The following RIMBP2 variants were observed in gnomAD, a reference collection of about 807,000 sequenced individuals.
RIMBP2 encodes RIMS-binding protein 2.
RIMBP2 carries 48 observed loss-of-function variants against 118.6 expected under a neutral mutation model. The ratio of observed to expected loss-of-function variants is 0.40; its 90% CI spans 0.32 to 0.51. The LOEUF (loss-of-function observed/expected upper bound fraction) is 0.51. Among genes scored for constraint, RIMBP2 ranks in the 20% least tolerant of loss-of-function variants. The pLI, the probability that RIMBP2 is intolerant of heterozygous loss-of-function variation, is 0.41. For synonymous variants in RIMBP2, 762 were observed against 742.9 expected, an observed-to-expected ratio of 1.03 and a Z score of -0.42; for missense variants, 1,551 against 1,768.3, an observed-to-expected ratio of 0.88 and a Z score of 2.20.
At chr12:130,714,231 G>A (rs1001259948) in intron 1 of RIMBP2, among the ~76,000 whole-genome samples, 31 of 152,214 alleles carry the variant, frequency 2.0e-4, no homozygotes, top group African/African-American at 6.3e-4. Flanking sequence ...TCTCTTCCAG[G>A]CGCCAACAGT....
intron 1 of RIMBP2, among the ~76,000 whole-genome samples, chr12:130,631,679 G>T (rs911755567): frequency 2.7e-5 from 4 of 148,264 alleles, no homozygotes; most frequent in Non-Finnish European, 5.9e-5. Context: ...AAACTGGTAA[G>T]TCAAAAAAAA....
chr12:130,594,676 T>C (rs1485216800), intron 2 of RIMBP2, among the ~76,000 whole-genome samples: 1 of 152,122 alleles, frequency 6.6e-6, no homozygotes, highest in African/African-American at 2.4e-5. Flanking sequence ...TGGACAAGCT[T>C]GTTTTAAGGG....
chr12:130,584,950 T>C (rs1055373025), intron 2 of RIMBP2, among the ~76,000 whole-genome samples: 14 of 152,156 alleles, frequency 9.2e-5, no homozygotes, highest in Admixed American at 5.2e-4. Context: ...GAATGCAGTG[T>C]CATGATCATA....
intron 2 of RIMBP2, among the ~76,000 whole-genome samples, chr12:130,619,153 T>G (rs1409022851): frequency 6.6e-6 from 1 of 152,240 alleles, no homozygotes; most frequent in African/African-American, 2.4e-5. Flanking sequence ...AGTCATCCAA[T>G]TATTTATTCC....
At chr12:130,416,525 A>G (rs1332431792) in intron 17 of RIMBP2, among the ~76,000 whole-genome samples, 4 of 152,250 alleles carry the variant, frequency 2.6e-5, no homozygotes, top group African/African-American at 9.6e-5. Flanking sequence ...AGTCACATGC[A>G]GAAGATTGAA....
chr12:130,701,371 C>A (rs577981519), intron 1 of RIMBP2, among the ~76,000 whole-genome samples: 1 of 152,304 alleles, frequency 6.6e-6, no homozygotes, highest in South Asian at 2.1e-4. Flanking sequence ...AGCTACGTGG[C>A]ACTTTCTGCC....
At chr12:130,711,980 G>A (rs1319136688) in intron 1 of RIMBP2, among the ~76,000 whole-genome samples, 1 of 152,226 alleles carries the variant, frequency 6.6e-6, no homozygotes, top group African/African-American at 2.4e-5. Flanking sequence ...GCCACACAAT[G>A]GTGAGTACTT....
intron 2 of RIMBP2, among the ~76,000 whole-genome samples, chr12:130,526,076 G>C (rs1315046919): frequency 1.3e-5 from 2 of 152,046 alleles, no homozygotes; most frequent in Non-Finnish European, 2.9e-5. Flanking sequence ...GGAAGGTTCA[G>C]AAATGCCTCC....
intron 3 of RIMBP2, among the ~76,000 whole-genome samples, chr12:130,515,381 T>C (rs1238023870): frequency 1.3e-5 from 2 of 152,116 alleles, no homozygotes; most frequent in East Asian, 3.9e-4. Context: ...CTATCCCCCC[T>C]CTACCCAGCC....
Position 130,408,112 on chromosome 12 carries a change from G to A in RIMBP2, c.3590-283C>T, listed in dbSNP as rs367587178. ...TCCATTAAACCAGTGAGACTCACATGAAGCACGGGGCTCTCGAACAGCAAA... is the reference window on the plus strand; with the variant it reads ...TCCATTAAACCAGTGAGACTCACATAAAGCACGGGGCTCTCGAACAGCAAA... On this transcript the variant is annotated intron_variant, in intron 19 of 22. Transcript: ENST00000690449. Among the ~76,000 whole-genome samples the A allele has an allele frequency of 1.2e-4, 19 of 152,340 alleles. No homozygotes were observed. In the East Asian group the frequency reaches 3.3e-3, roughly 26 times the overall value.
intron 5 of RIMBP2, among the ~76,000 whole-genome samples, chr12:130,474,518 G>A (rs954518481): frequency 2.6e-5 from 4 of 152,182 alleles, no homozygotes; most frequent in Admixed American, 6.5e-5. Context: ...GTGGGCAGTC[G>A]GCAAACAGCC....
At chr12:130,481,682 C>G (rs1353739719) in intron 4 of RIMBP2, among the ~76,000 whole-genome samples, 1 of 152,238 alleles carries the variant, frequency 6.6e-6, no homozygotes, top group Non-Finnish European at 1.5e-5. Context: ...GTGGCCCTCG[C>G]CAGTTCACTC....
At chr12:130,606,877 G>C (rs1055654114) in intron 2 of RIMBP2, among the ~76,000 whole-genome samples, 1 of 152,144 alleles carries the variant, frequency 6.6e-6, no homozygotes, top group African/African-American at 2.4e-5. Context: ...TGTCGCCCAG[G>C]CTAGGGTGCA....
rs377575822 is a variant in RIMBP2, at chr12:130,434,767, G to A, written c.2220C>T (p.Asp740=). Residue 740 remains aspartate, a synonymous_variant, in exon 14 of 23, where the codon GAC becomes GAT. Transcript: ENST00000690449. This position sits in a 1 kb window ranked among gnomAD's most constrained non-coding sequence, Gnocchi z 5.7. ...CAAGTTCAGAGCCTTTCAGGAAGTC[G>A]TCCACCGAGGCGCCCCTCCTCTTGA... ...PDFKRRGASV[D]DFLKGSELGK... 2.2e-4 allele frequency: 355 copies of A among 1,613,628 alleles called. 2 individuals carry two copies. In the Admixed American group the frequency reaches 3.5e-3, roughly 16 times the overall value.
chr12:130,659,834 C>T (rs929136823), intron 1 of RIMBP2, among the ~76,000 whole-genome samples: 40 of 151,822 alleles, frequency 2.6e-4, no homozygotes, highest in Admixed American at 5.9e-4. Context: ...ATTAGCCAGG[C>T]ATGGTGGCAT....
At chr12:130,430,596 A>T (rs1192910850) in intron 14 of RIMBP2, 1 of 146,526 alleles carries the variant, frequency 6.8e-6, no homozygotes, top group African/African-American at 2.5e-5. Flanking sequence ...GCAATGACGG[A>T]TGTACTAATT....
chr12:130,417,678 C>T (rs1409243638), intron 17 of RIMBP2, among the ~76,000 whole-genome samples: 1 of 152,224 alleles, frequency 6.6e-6, no homozygotes. Flanking sequence ...CAGCATTCTG[C>T]ACTATACCCA....
At chr12:130,520,814 A>G (rs980485824) in intron 2 of RIMBP2, among the ~76,000 whole-genome samples, 3 of 152,218 alleles carry the variant, frequency 2.0e-5, no homozygotes, top group African/African-American at 7.2e-5. Flanking sequence ...AAACCCATTC[A>G]GTGACACAGA....
chr12:130,552,869 G>A (rs1375344887), intron 2 of RIMBP2, among the ~76,000 whole-genome samples: 1 of 152,058 alleles, frequency 6.6e-6, no homozygotes, highest in Non-Finnish European at 1.5e-5. Context: ...AACAGGACAG[G>A]TCGCCGGGCG....
Sources: allele counts gnomAD v4.1 joint callset (sites outside exome capture counted in the v4.1 genomes callset), GRCh38; gene constraint gnomAD v4.1.1; non-coding constraint Gnocchi (gnomAD v3.1); transcripts MANE v1.5; gene names NCBI Gene and HGNC (gene_info 2026-07-23, HGNC 2026-07-21).